The following PPP1R7 variants were observed in gnomAD, a reference collection of about 807,000 sequenced individuals.
PPP1R7 encodes the protein protein phosphatase 1 regulatory subunit 7.
Under a neutral mutation model 45.2 loss-of-function variants are expected in PPP1R7, and 18 were observed. That is an observed-to-expected ratio of 0.40 (90% CI 0.28 to 0.59). PPP1R7 has a LOEUF of 0.59. Among genes scored for constraint, PPP1R7 ranks in the 20% least tolerant of loss-of-function variants. The pLI is 0.46. For missense variants in PPP1R7, 314 were observed against 455.8 expected (o/e 0.69, Z 2.83); for synonymous variants, 181 against 183.4 (o/e 0.99, Z 0.11).
chr2:241,179,637 G>A (rs962036661), intron 9 of PPP1R7, among the ~76,000 whole-genome samples: 9 of 152,292 alleles, frequency 5.9e-5, no homozygotes, highest in Middle Eastern at 3.4e-3. Context: ...ATGTGCCCGC[G>A]CTCCCCAGCC....
At chr2:241,159,394 G>A (rs1299987267) in intron 5 of PPP1R7, 51 bp downstream of exon 5, 5 of 1,596,240 alleles carry the variant, frequency 3.1e-6, no homozygotes, top group Non-Finnish European at 4.3e-6. Context: ...GCCACTGGGT[G>A]GGGGGTGTCC....
intron 2 of PPP1R7, among the ~76,000 whole-genome samples, chr2:241,157,220 T>G (rs530518373): frequency 6.6e-6 from 1 of 152,270 alleles, no homozygotes; most frequent in South Asian, 2.1e-4. Context: ...TCAGTGAGCT[T>G]CTTTGATCCT....
chr2:241,150,193 C>T (rs796188271), upstream of PPP1R7: 46 of 1,274,806 alleles, frequency 3.6e-5, no homozygotes, highest in African/African-American at 6.5e-4. Context: ...CCTAGACGTC[C>T]ACTCCGTCTG....
chr2:241,183,194 C>T lies in PPP1R7; in HGVS notation c.*371C>T, dbSNP rs917674835. ...GCTTTACAGGCATTCACGTGCTGTC[C>T]GAGTGGCATTCGGGGGCTGGCCTAG... is the stretch of plus-strand genomic sequence containing the variant. On this transcript the variant is annotated 3_prime_UTR_variant, in exon 10 of 10. Coordinates refer to ENST00000234038, the MANE Select transcript of PPP1R7 (RefSeq NM_002712.3). 1 of 380,710 alleles carries T rather than the reference C, an allele frequency of 2.6e-6. No homozygotes were observed. The highest frequency in any genetic ancestry group is 5.2e-6 in the Non-Finnish European group (1 of 192,640). The allele number at this position is 380,710 out of a possible 1,614,324, so 23.6% of individuals were successfully genotyped here.
chr2:241,157,693 G>A (rs1404422942), intron 2 of PPP1R7, 114 bp from the exon 3 acceptor site: 2 of 973,870 alleles, frequency 2.1e-6, no homozygotes, highest in Admixed American at 2.1e-5. Context: ...TCCTCCTCGG[G>A]GTTTGAGCTG....
chr2:241,167,351 G>A (rs962395958), intron 8 of PPP1R7, among the ~76,000 whole-genome samples: 1 of 152,212 alleles, frequency 6.6e-6, no homozygotes, highest in African/African-American at 2.4e-5. Context: ...ATTTGCCTGT[G>A]GAAAGTTTGG....
intron 2 of PPP1R7, 47 bp from the exon 3 acceptor site, chr2:241,157,760 T>C: frequency 6.4e-7 from 1 of 1,571,666 alleles, no homozygotes; most frequent in Non-Finnish European, 8.7e-7. Context: ...CACCAGTGCC[T>C]CCTGTTAATG....
At chr2:241,149,706 T>C (rs1272681824), upstream of PPP1R7, 2 of 1,551,336 alleles carry the variant, frequency 1.3e-6, no homozygotes, top group Non-Finnish European at 1.7e-6. Context: ...GCGATCAAAA[T>C]GGGTGAGTAG....
chr2:241,160,459 C>A lies in PPP1R7; in HGVS notation c.562C>A (p.Leu188Ile). 1.9e-6 allele frequency: 3 copies of A among 1,611,094 alleles called. No individual in the cohort carries two copies. Among genetic ancestry groups the A allele is most frequent in the Non-Finnish European group, 2.5e-6 (3 of 1,179,096 alleles). The change falls in exon 6 of 10, where the codon CTA becomes ATA. Residue 188 changes from leucine to isoleucine, a missense_variant. Leu to Ile is a conservative substitution (Grantham distance 5). Transcript: ENST00000234038. ...TGAGAACTTAAGCAACTTACATCAACTACAGATGCTAGAGCTGGGATCTAA... is the reference window on the plus strand; with the variant it reads ...TGAGAACTTAAGCAACTTACATCAAATACAGATGCTAGAGCTGGGATCTAA... ...KIENLSNLHQ[L>I]QMLELGSNRI...
At chr2:241,165,521 T>C (rs1297655182) in intron 7 of PPP1R7, among the ~76,000 whole-genome samples, 1 of 152,218 alleles carries the variant, frequency 6.6e-6, no homozygotes, top group Non-Finnish European at 1.5e-5. Context: ...GAATTTTAGC[T>C]CAGTACAGCA....
Position 241,159,249 on chromosome 2 carries a change from G to A in PPP1R7, c.340G>A (p.Glu114Lys), listed in dbSNP as rs749385927. 3.1e-6 allele frequency: 5 copies of A among 1,613,524 alleles called. No individual in the cohort carries two copies. In the East Asian group the frequency reaches 8.9e-5, roughly 29 times the overall value. ...CCGCCAAAATTTAATTAAATGCATTGAGAATCTGGAGGAGCTACAGAGTCT... is the reference window on the plus strand; with the variant it reads ...CCGCCAAAATTTAATTAAATGCATTAAGAATCTGGAGGAGCTACAGAGTCT... ...CLRQNLIKCI[E>K]NLEELQSLRE... The change falls in exon 5 of 10, where the codon GAG (glutamate) becomes AAG (lysine). Residue 114 changes from glutamate to lysine, a missense_variant. Transcript: ENST00000234038.
intron 6 of PPP1R7, among the ~76,000 whole-genome samples, chr2:241,160,735 A>G: frequency 6.6e-6 from 1 of 152,270 alleles, no homozygotes; most frequent in East Asian, 1.9e-4. Context: ...CTCTTCATCC[A>G]GATCATGACC....
At chr2:241,167,692 G>A (rs2067742912) in intron 8 of PPP1R7, among the ~76,000 whole-genome samples, 1 of 152,174 alleles carries the variant, frequency 6.6e-6, no homozygotes, top group Non-Finnish European at 1.5e-5. Context: ...ACCAGTAGAA[G>A]TGCTACACTG....
At chr2:241,179,480 T>TAGA (rs1419206266) in intron 9 of PPP1R7, among the ~76,000 whole-genome samples, 1 of 152,216 alleles carries the variant, frequency 6.6e-6, no homozygotes, top group Admixed American at 6.5e-5. Context: ...GTGTAAGAGC[T>TAGA]AGAAGAACAA....
In PPP1R7 at chr2:241,183,322, G is replaced by T; in HGVS notation, c.*499G>T. ...CCATTTTCAATTTTTTAAAAATTAGGTAAGTTAAAAAAGCTGGGTAAAAGC... is the reference window on the plus strand; with the variant it reads ...CCATTTTCAATTTTTTAAAAATTAGTTAAGTTAAAAAAGCTGGGTAAAAGC... On this transcript the variant is annotated 3_prime_UTR_variant, in exon 10 of 10. Transcript: ENST00000234038. 1 of 433,096 alleles carries T rather than the reference G, an allele frequency of 2.3e-6. No individual in the cohort carries two copies. 26.8% of individuals were successfully genotyped at this position (433,096 alleles called of 1,614,324 possible).
At chr2:241,181,880 C>A (rs1416102485) in intron 9 of PPP1R7, among the ~76,000 whole-genome samples, 1 of 152,134 alleles carries the variant, frequency 6.6e-6, no homozygotes, top group Non-Finnish European at 1.5e-5. Context: ...CATGTGATTT[C>A]TACACACAGG....
In PPP1R7 at chr2:241,152,490, GGGGTA is replaced by G. The variant is rs1256861884; in HGVS notation, c.53-982_53-978del. ...AAGTAAGTGAGCCACCGTCATTGCG[GGGGTA>G]GGGAAGAAGAGATGGATTTGGAGGT... On this transcript the variant is annotated intron_variant, in intron 1 of 9. Transcript: ENST00000234038. Among the ~76,000 whole-genome samples the G allele has an allele frequency of 2.0e-5, 3 of 152,334 alleles. No homozygotes were observed. In the East Asian group the frequency reaches 5.8e-4, roughly 29 times the overall value.
rs762600580 is a variant in PPP1R7, at chr2:241,150,518, G to T, written c.23G>T (p.Gly8Val). The T allele has an allele frequency of 6.3e-7, 1 of 1,599,158 alleles. No homozygotes were observed. Among genetic ancestry groups the T allele is most frequent in the South Asian group, 1.1e-5 (1 of 89,386 alleles). MAAERGAGQQQSQEMMEV... is the reference protein window; with the variant it reads MAAERGAVQQQSQEMMEV... ...AACATGGCGGCGGAACGCGGCGCGG[G>T]GCAGCAACAGTCGCAGGAGATGATG... Residue 8 changes from glycine (G) to valine (V), a missense_variant, in exon 1 of 10, where the codon GGG becomes GTG. This residue lies in a region of PPP1R7 where 34 missense variants were observed against 26.0 expected (regional missense o/e 1.31). Transcript: ENST00000234038.
chr2:241,164,189 T>C (rs2067657564), intron 7 of PPP1R7, among the ~76,000 whole-genome samples: 1 of 152,194 alleles, frequency 6.6e-6, no homozygotes, highest in African/African-American at 2.4e-5. Flanking sequence ...AAAATTTCTT[T>C]CTTAAGTGCC....
Sources: allele counts gnomAD v4.1 joint callset (sites outside exome capture counted in the v4.1 genomes callset), GRCh38; gene constraint gnomAD v4.1.1; regional missense constraint gnomAD v4.1.1; transcripts MANE v1.5; gene names NCBI Gene and HGNC (gene_info 2026-07-23, HGNC 2026-07-21).